The following DCDC2 variants were observed in gnomAD, a reference collection of about 807,000 sequenced individuals.
DCDC2 encodes the protein doublecortin domain containing 2.
Under a neutral mutation model 50.2 loss-of-function variants are expected in DCDC2, and 40 were observed. The ratio of observed to expected loss-of-function variants is 0.80; its 90% confidence interval spans 0.62 to 1.04. The LOEUF is 1.04. Ranked by LOEUF, DCDC2 falls within the 50% of genes least tolerant of loss-of-function variation. The pLI, the probability that DCDC2 is intolerant of heterozygous loss-of-function variation, is 0.00. For synonymous variants in DCDC2, 234 were observed against 210.6 expected (o/e 1.11, Z -0.96); for missense variants, 570 against 581.9 (o/e 0.98, Z 0.21).
At chr6:24,361,909 T>C (rs79815339), upstream of DCDC2, among the ~76,000 whole-genome samples, 391 of 152,254 alleles carry the variant, frequency 2.6e-3, 18 homozygotes, top group East Asian at 0.067. Flanking sequence ...TATGATGTGG[T>C]GATAAGTGTT....
At chr6:24,329,264 G>A (rs569363758) in intron 2 of DCDC2, among the ~76,000 whole-genome samples, 5 of 152,240 alleles carry the variant, frequency 3.3e-5, no homozygotes, top group African/African-American at 7.2e-5. Context: ...TAGCACAACC[G>A]AAGGAGAATA....
intron 9 of DCDC2, among the ~76,000 whole-genome samples, chr6:24,176,755 C>T (rs771368495): frequency 3.2e-4 from 48 of 152,100 alleles, no homozygotes; most frequent in Non-Finnish European, 5.6e-4. Context: ...ATCATTTGAC[C>T]AACATCTCTC....
upstream of DCDC2, among the ~76,000 whole-genome samples, chr6:24,359,730 C>T (rs1261556533): frequency 6.7e-6 from 1 of 150,344 alleles, no homozygotes; most frequent in Non-Finnish European, 1.5e-5. Context: ...GACCCCATCC[C>T]GGAAGGAGGG....
intron 7 of DCDC2, among the ~76,000 whole-genome samples, chr6:24,237,262 C>T (rs576493838): frequency 5.3e-5 from 8 of 151,994 alleles, no homozygotes; most frequent in Non-Finnish European, 1.0e-4. Context: ...ATACCTGTTG[C>T]GTACTATGCT....
chr6:24,367,221 A>G, the DCDC2 span, among the ~76,000 whole-genome samples: 3 of 152,262 alleles, frequency 2.0e-5, no homozygotes, highest in Non-Finnish European at 4.4e-5. Flanking sequence ...AATAACAGAA[A>G]TCCTGGGAAG....
intron 8 of DCDC2, among the ~76,000 whole-genome samples, chr6:24,181,368 C>A (rs1359010157): frequency 6.6e-6 from 1 of 152,128 alleles, no homozygotes; most frequent in East Asian, 1.9e-4. Flanking sequence ...CCCACCAGAC[C>A]CATCTCACCC....
intron 2 of DCDC2, among the ~76,000 whole-genome samples, chr6:24,331,272 G>T (rs1759960100): frequency 6.6e-6 from 1 of 150,954 alleles, no homozygotes; most frequent in African/African-American, 2.4e-5. Flanking sequence ...TTCTTAGTTT[G>T]AAGTTTTTTA....
chr6:24,215,091 GAC>G (rs1169540035), intron 7 of DCDC2, among the ~76,000 whole-genome samples: 1 of 152,162 alleles, frequency 6.6e-6, no homozygotes, highest in Non-Finnish European at 1.5e-5. Flanking sequence ...AAGCTGTTAA[GAC>G]AGTGCATAAA....
At chr6:24,269,997 G>A (rs1376521753) in intron 7 of DCDC2, among the ~76,000 whole-genome samples, 3 of 151,624 alleles carry the variant, frequency 2.0e-5, no homozygotes, top group African/African-American at 7.3e-5. Context: ...AAATAGTGGA[G>A]AGTAGAAGAA....
intron 8 of DCDC2, among the ~76,000 whole-genome samples, chr6:24,196,873 C>G (rs1414848645): frequency 6.6e-6 from 1 of 152,202 alleles, no homozygotes; most frequent in African/African-American, 2.4e-5. Flanking sequence ...CAGAGTTGGT[C>G]TTACTATAAT....
intron 2 of DCDC2, among the ~76,000 whole-genome samples, chr6:24,318,860 T>C (rs1026064933): frequency 6.6e-6 from 1 of 152,066 alleles, no homozygotes; most frequent in African/African-American, 2.4e-5. Context: ...TGAGTCCATA[T>C]CTCTGCTATT....
intron 7 of DCDC2, among the ~76,000 whole-genome samples, chr6:24,212,203 C>T (rs538817640): frequency 3.3e-4 from 51 of 152,246 alleles, no homozygotes; most frequent in South Asian, 1.0e-3. Context: ...AACCATCCCC[C>T]GACGCCCCTG....
intron 2 of DCDC2, among the ~76,000 whole-genome samples, chr6:24,314,472 G>T (rs952832895): frequency 6.8e-6 from 1 of 146,316 alleles, no homozygotes; most frequent in African/African-American, 2.6e-5. Flanking sequence ...GCAAGACGTT[G>T]TCTCAAAAAA....
At chr6:24,272,335 GAA>G (rs1300814899) in intron 7 of DCDC2, among the ~76,000 whole-genome samples, 1 of 152,222 alleles carries the variant, frequency 6.6e-6, no homozygotes, top group East Asian at 1.9e-4. Context: ...ATGAAGGTGT[GAA>G]AAAATGCTGA....
At chr6:24,361,548 A>G (rs1760666650), upstream of DCDC2, among the ~76,000 whole-genome samples, 1 of 152,190 alleles carries the variant, frequency 6.6e-6, no homozygotes, top group South Asian at 2.1e-4. Flanking sequence ...TGAGGGATGG[A>G]TGGGGAAAAT....
At position 24,205,427 on chromosome 6, in the gene DCDC2, C is replaced by A. The variant is rs139188705; in HGVS notation, c.923-325G>T. 63 of 1,140,570 alleles carry A rather than the reference C, an allele frequency of 5.5e-5. No individual in the cohort carries two copies. In the African/African-American group the frequency reaches 7.8e-4, roughly 14 times the overall value. 70.7% of individuals were successfully genotyped at this position (1,140,570 alleles called of 1,614,324 possible). A position where few individuals can be genotyped will look rare whatever the true frequency, so the allele number is the denominator to read the frequency against. On this transcript the variant is annotated intron_variant, in intron 7 of 9. Coordinates refer to ENST00000378454, the MANE Select transcript of DCDC2 (RefSeq NM_016356.5). ...TGAGAAGAAATTCACAAGTATCATC[C>A]CAGTTCTCCCCTCCTATTCACAAAA...
intron 8 of DCDC2, among the ~76,000 whole-genome samples, chr6:24,190,335 C>T (rs1365623962): frequency 2.0e-5 from 3 of 152,004 alleles, no homozygotes; most frequent in Non-Finnish European, 4.4e-5. Flanking sequence ...GTTCAATTCC[C>T]ACCTATGAGT....
chr6:24,202,844 GACAA>G (rs546086631), intron 8 of DCDC2, among the ~76,000 whole-genome samples: 152 of 152,130 alleles, frequency 1.0e-3, no homozygotes, highest in African/African-American at 3.6e-3. Flanking sequence ...ACCAGTAATA[GACAA>G]ACAGAGAGCC....
At chr6:24,356,791 T>A (rs1221334669) in intron 1 of DCDC2, 2 of 152,192 alleles carry the variant, frequency 1.3e-5, no homozygotes, top group African/African-American at 4.8e-5. Context: ...CACTGAACAC[T>A]CACTATGAGT....
Sources: allele counts gnomAD v4.1 joint callset (sites outside exome capture counted in the v4.1 genomes callset), GRCh38; gene constraint gnomAD v4.1.1; transcripts MANE v1.5; gene names NCBI Gene and HGNC (gene_info 2026-07-23, HGNC 2026-07-21).